Variants in CEACAM21 observed in about 807,000 individuals in gnomAD.
CEACAM21 encodes CEA cell adhesion molecule 21, also known as cell adhesion molecule CEACAM21.
CEACAM21 carries 38 observed loss-of-function variants against 33.2 expected under a neutral mutation model. That is an observed-to-expected ratio of 1.14 (90% CI 0.88 to 1.50). CEACAM21 has a LOEUF of 1.50. Ranked by LOEUF, CEACAM21 falls within the 40% of genes most tolerant of loss-of-function variation. The pLI, the probability that CEACAM21 is intolerant of heterozygous loss-of-function variation, is 0.00. For synonymous variants in CEACAM21, 156 were observed against 143.0 expected (o/e 1.09, Z -0.65); for missense variants, 385 against 364.6 (o/e 1.06, Z -0.46).
intron 4 of CEACAM21, 60 bp downstream of exon 4, chr19:41,584,503 AG>A (rs781848124): frequency 2.6e-5 from 38 of 1,443,668 alleles, no homozygotes; most frequent in Non-Finnish European, 3.3e-5. Flanking sequence ...GCGAGAAGGA[AG>A]GAGACCCTGT....
rs2043002994 is a variant in CEACAM21 at position 41,577,096 on chromosome 19, C to T, written c.65-104C>T. On this transcript the variant is annotated intron_variant, in intron 1 of 6. Transcript: ENST00000401445. ...ACCCAGTAGGACACACACACACACA[C>T]ACACCCTCTAAGGCTGAGGGGTGAA... 23 of 1,308,540 alleles carry T rather than the reference C, an allele frequency of 1.8e-5. 1 individual carries two copies. The South Asian group carries it at 2.9e-4, about 16-fold the overall frequency. The allele number at this position is 1,308,540 out of a possible 1,614,324, so 81.1% of individuals were successfully genotyped here. A position where few individuals can be genotyped will look rare whatever the true frequency, so the allele number is the denominator to read the frequency against.
intron 2 of CEACAM21, among the ~76,000 whole-genome samples, chr19:41,578,303 C>CTTT (rs34093847): frequency 1.5e-4 from 22 of 142,616 alleles, no homozygotes; most frequent in African/African-American, 5.1e-4. Context: ...CCAGAGAACT[C>CTTT]TTTTTTTTTT....
At position 41,579,624 on chromosome 19, in the gene CEACAM21, A is replaced by G; in HGVS notation, c.696A>G (p.Val232=). The change falls in exon 3 of 7, where the codon GTA becomes GTG. Residue 232 remains valine (V), a synonymous_variant. Coordinates refer to ENST00000401445, the MANE Select transcript of CEACAM21 (RefSeq NM_001098506.4). ...GGAGCGACCCCCTCAAGCTGACTGT[A>G]AAATGTGAGTGACCCTCGGCCCCTC... The part of the protein sequence containing the change: ...SNRSDPLKLT[V]KSDDNTLGIL... The G allele has an allele frequency of 3.2e-6, 5 of 1,548,354 alleles. No homozygotes were observed. Among genetic ancestry groups the G allele is most frequent in the Non-Finnish European group, 4.4e-6 (5 of 1,143,398 alleles).
At chr19:41,576,620 C>T (rs1364567216) in intron 1 of CEACAM21, among the ~76,000 whole-genome samples, 1 of 152,198 alleles carries the variant, frequency 6.6e-6, no homozygotes, top group Non-Finnish European at 1.5e-5. Flanking sequence ...AAAACACCAC[C>T]AGGGCATGAA....
intron 3 of CEACAM21, 86 bp downstream of exon 3, chr19:41,579,714 A>T (rs2043233997): frequency 2.1e-6 from 2 of 964,906 alleles, no homozygotes; most frequent in East Asian, 2.6e-5. Context: ...ACGGAATGAG[A>T]AGGATGAGAT....
At chr19:41,567,012 T>G (rs189026110) in intron 2 of CEACAM21, among the ~76,000 whole-genome samples, 1 of 152,286 alleles carries the variant, frequency 6.6e-6, no homozygotes, top group Admixed American at 6.5e-5. Flanking sequence ...TATTTAAATT[T>G]TTTTGATTAA....
intron 1 of CEACAM21, among the ~76,000 whole-genome samples, chr19:41,564,365 TATTA>T (rs1353671460): frequency 6.6e-6 from 1 of 151,606 alleles, no homozygotes; most frequent in Non-Finnish European, 1.5e-5. Context: ...TTTATTTATT[TATTA>T]TTTTGCCCTC....
intron 5 of CEACAM21, 48 bp downstream of exon 5, chr19:41,585,543 C>T (rs2070670884): frequency 1.3e-6 from 2 of 1,594,374 alleles, no homozygotes; most frequent in African/African-American, 1.4e-5. Flanking sequence ...CTAAGCCAGC[C>T]CCAAGTTGTC....
At chr19:41,565,341 G>A (rs1555788059) in intron 2 of CEACAM21, among the ~76,000 whole-genome samples, 1 of 152,190 alleles carries the variant, frequency 6.6e-6, no homozygotes, top group African/African-American at 2.4e-5. Flanking sequence ...TGGGGAAGGG[G>A]CGGGGGCGGG....
chr19:41,577,672 G>T (rs782626675), intron 2 of CEACAM21, 113 bp downstream of exon 2: 26 of 1,505,182 alleles, frequency 1.7e-5, no homozygotes, highest in Non-Finnish European at 2.1e-5. Context: ...TCCCATGTTG[G>T]GGTTTGGGCA....
chr19:41,578,964 G>A (rs148652132), intron 2 of CEACAM21, among the ~76,000 whole-genome samples: 281 of 152,284 alleles, frequency 1.8e-3, no homozygotes, highest in African/African-American at 6.5e-3. Context: ...TACAGACTGG[G>A]TCCTGGATGT....
At chr19:41,565,628 G>T (rs564355127) in intron 2 of CEACAM21, 1 of 150,416 alleles carries the variant, frequency 6.6e-6, no homozygotes, top group Non-Finnish European at 1.5e-5. Flanking sequence ...GAACTGGAGG[G>T]ATCTTCCCAA....
Position 41,577,536 on chromosome 19 carries a change from C to G in CEACAM21, c.401C>G (p.Ala134Gly). ...TACAGAAATTCTCAGATTGAACAGG[C>G]ATCTCACCATCTCCGTGTATACGGT... ...VTYRNSQIEQ[A>G]SHHLRVYESV... Residue 134 changes from alanine to glycine, a missense_variant, in exon 2 of 7, where the codon GCA becomes GGA. Transcript: ENST00000401445. 1.2e-6 allele frequency: 2 copies of G among 1,613,932 alleles called. No individual in the cohort carries two copies. The highest frequency in any genetic ancestry group is 1.7e-6 in the Non-Finnish European group (2 of 1,180,006).
intron 1 of CEACAM21, among the ~76,000 whole-genome samples, chr19:41,550,969 G>C (rs1161329157): frequency 6.6e-6 from 1 of 152,122 alleles, no homozygotes; most frequent in East Asian, 1.9e-4. Flanking sequence ...CTTCCATCCT[G>C]AGAAATTTAC....
chr19:41,564,493 C>T (rs1555787777), intron 1 of CEACAM21, among the ~76,000 whole-genome samples: 1 of 152,186 alleles, frequency 6.6e-6, no homozygotes, highest in African/African-American at 2.4e-5. Flanking sequence ...AGCCTGACGA[C>T]ACTCCGCCCC....
intron 1 of CEACAM21, among the ~76,000 whole-genome samples, chr19:41,554,398 C>T (rs1555785083): frequency 2.0e-5 from 3 of 151,896 alleles, no homozygotes; most frequent in Admixed American, 2.0e-4. Flanking sequence ...AATCTGTTAC[C>T]TCTGTGGCCC....
At position 41,585,869 on chromosome 19, in the gene CEACAM21, T is replaced by C; in HGVS notation, c.880T>C (p.Ter294GlnextTer22). Reference sequence around the variant, plus strand: ...TGGACCCTCTGACAGCTCCATCTCCTAGGTAAGACTGTCCGTTCCCAATCC... The same window carrying C: ...TGGACCCTCTGACAGCTCCATCTCCCAGGTAAGACTGTCCGTTCCCAATCC... ...GHGPSDSSIS[*>Q] The change falls in exon 6 of 7, where the codon TAG (stop) becomes CAG (glutamine). Residue 294 changes from the stop codon to glutamine, a stop_lost and splice_region_variant. Transcript: ENST00000401445. 6.2e-7 allele frequency: 1 copy of C among 1,613,000 alleles called. No individual in the cohort carries two copies. The highest frequency in any genetic ancestry group is 1.1e-5 in the South Asian group (1 of 90,754).
intron 1 of CEACAM21, among the ~76,000 whole-genome samples, chr19:41,550,939 C>T (rs181507555): frequency 6.6e-6 from 1 of 152,064 alleles, no homozygotes; most frequent in Admixed American, 6.5e-5. Flanking sequence ...AAAAAAAATA[C>T]TACCTTTTGG....
intron 3 of CEACAM21, among the ~76,000 whole-genome samples, chr19:41,580,832 A>T (rs1029841716): frequency 6.6e-6 from 1 of 152,202 alleles, no homozygotes; most frequent in Admixed American, 6.5e-5. Flanking sequence ...TTGGTGATTA[A>T]TTCAAACTCC....
Sources: gnomAD v4.1 joint callset for allele counts (sites outside exome capture counted in the v4.1 genomes callset) on GRCh38, gnomAD v4.1.1 for gene constraint, MANE v1.5 for transcripts, NCBI Gene and HGNC (gene_info 2026-07-23, HGNC 2026-07-21) for gene names.